TMEM232: variants seen among roughly 807,000 people sequenced by gnomAD.
TMEM232 encodes transmembrane protein 232.
TMEM232 carries 80 observed loss-of-function variants against 78.8 expected under a neutral mutation model. The ratio of observed to expected loss-of-function variants is 1.01; its 90% CI spans 0.85 to 1.22. The LOEUF is 1.22. Among genes scored for constraint, TMEM232 ranks in the 50% most tolerant of loss-of-function variants. The probability of loss-of-function intolerance (pLI) is 0.00; values close to 1 mark genes in which losing one functional copy is unlikely to be tolerated. For missense variants in TMEM232, 881 were observed against 742.2 expected (o/e 1.19, Z -2.17); for synonymous variants, 297 against 254.3 (o/e 1.17, Z -1.60).
intron 11 of TMEM232, among the ~76,000 whole-genome samples, chr5:110,536,490 T>C (rs1384319800): frequency 6.6e-6 from 1 of 152,188 alleles, no homozygotes; most frequent in African/African-American, 2.4e-5. Flanking sequence ...TTGGCAGTGG[T>C]ACAGGGTGAA....
At chr5:110,623,519 A>G (rs1050752554) in intron 7 of TMEM232, among the ~76,000 whole-genome samples, 1 of 152,168 alleles carries the variant, frequency 6.6e-6, no homozygotes, top group Non-Finnish European at 1.5e-5. Context: ...TTCCATTTCT[A>G]TCACTTTTAT....
chr5:110,635,398 C>T (rs1203723598), intron 5 of TMEM232, among the ~76,000 whole-genome samples: 1 of 151,934 alleles, frequency 6.6e-6, no homozygotes, highest in Admixed American at 6.6e-5. Flanking sequence ...AAACTACAGG[C>T]TAATATCCCT....
At chr5:110,654,773 C>T (rs1233574313) in intron 2 of TMEM232, among the ~76,000 whole-genome samples, 3 of 152,112 alleles carry the variant, frequency 2.0e-5, no homozygotes, top group Non-Finnish European at 4.4e-5. Context: ...ATTCTTCCTA[C>T]CCATGAGCAT....
chr5:110,696,233 G>A (rs1045806362), intron 1 of TMEM232, among the ~76,000 whole-genome samples: 1 of 152,088 alleles, frequency 6.6e-6, no homozygotes, highest in African/African-American at 2.4e-5. Flanking sequence ...TGCAGAAAAG[G>A]CCTTTGACAA....
intron 12 of TMEM232, among the ~76,000 whole-genome samples, chr5:110,517,246 T>C (rs1028652431): frequency 4.6e-5 from 7 of 152,286 alleles, no homozygotes; most frequent in African/African-American, 1.7e-4. Context: ...TTCACTCTAT[T>C]AATTCGATTT....
At chr5:110,423,033 A>G (rs1756840901) in intron 13 of TMEM232, among the ~76,000 whole-genome samples, 1 of 152,182 alleles carries the variant, frequency 6.6e-6, no homozygotes, top group Non-Finnish European at 1.5e-5. Context: ...CTCCTAAGCA[A>G]TGAGGTATAT....
chr5:110,639,859 CA>C (rs1786419169), intron 4 of TMEM232, among the ~76,000 whole-genome samples: 2 of 152,292 alleles, frequency 1.3e-5, no homozygotes, highest in South Asian at 4.1e-4. Context: ...TATGAGGACC[CA>C]ATGTCACTGC....
upstream of TMEM232, among the ~76,000 whole-genome samples, chr5:110,729,425 C>A (rs1798463854): frequency 6.6e-6 from 1 of 152,116 alleles, no homozygotes; most frequent in African/African-American, 2.4e-5. Context: ...GATCAAGACT[C>A]GGATGTTAGA....
intron 1 of TMEM232, among the ~76,000 whole-genome samples, chr5:110,715,902 G>A (rs921803963): frequency 2.0e-5 from 3 of 152,208 alleles, no homozygotes; most frequent in Non-Finnish European, 2.9e-5. Flanking sequence ...AACTTTGGTC[G>A]CTATAACCTC....
intron 2 of TMEM232, among the ~76,000 whole-genome samples, chr5:110,645,029 C>T (rs182464130): frequency 1.3e-5 from 2 of 151,070 alleles, no homozygotes; most frequent in African/African-American, 2.4e-5. Context: ...AAAACTGAAT[C>T]AAGATGAAAT....
At chr5:110,389,062 A>T (rs1346732590) in intron 4 of TMEM232, among the ~76,000 whole-genome samples, 1 of 152,050 alleles carries the variant, frequency 6.6e-6, no homozygotes, top group Non-Finnish European at 1.5e-5. Context: ...GGAGTTCAAG[A>T]CCGGCCTGGC....
chr5:110,450,370 C>G (rs1760135594), intron 12 of TMEM232, among the ~76,000 whole-genome samples: 1 of 151,668 alleles, frequency 6.6e-6, no homozygotes, highest in African/African-American at 2.4e-5. Flanking sequence ...TGTTTGTTTT[C>G]TTTTCTTTTC....
chr5:110,626,416 G>C (rs1338454561), intron 6 of TMEM232, among the ~76,000 whole-genome samples: 1 of 152,020 alleles, frequency 6.6e-6, no homozygotes, highest in African/African-American at 2.4e-5. Context: ...GGCCACATCT[G>C]ATTAGGACTT....
At position 110,420,540 on chromosome 5, in the gene TMEM232, T is replaced by C. The variant is rs187153537; in HGVS notation, c.*40A>G. On this transcript the variant is annotated 3_prime_UTR_variant, in exon 14 of 14. Transcript: ENST00000455884. ...TTTTTCATCCTATGTATTTCTGCCA[T>C]GTAGTCCTCAATTTTGGGAGGTGAC... 2.6e-5 allele frequency: 34 copies of C among 1,290,860 alleles called. No individual in the cohort carries two copies. Among genetic ancestry groups the C allele is most frequent in the Admixed American group, 3.6e-5 (1 of 27,954 alleles). 80.0% of individuals were successfully genotyped at this position (1,290,860 alleles called of 1,614,324 possible). A position where few individuals can be genotyped will look rare whatever the true frequency, so the allele number is the denominator to read the frequency against.
At chr5:110,694,083 C>A (rs113022874) in intron 1 of TMEM232, among the ~76,000 whole-genome samples, 5,944 of 151,848 alleles carry the variant, frequency 0.039, 376 homozygotes, top group African/African-American at 0.14. Flanking sequence ...AAAGGGAAGC[C>A]CATCAGACTA....
intron 1 of TMEM232, among the ~76,000 whole-genome samples, chr5:110,704,642 T>G (rs1345047925): frequency 1.3e-5 from 2 of 152,046 alleles, no homozygotes; most frequent in Non-Finnish European, 2.9e-5. Flanking sequence ...TTTTTCATTA[T>G]CAAGTGGACA....
At chr5:110,512,915 T>C (rs1345390968) in intron 12 of TMEM232, among the ~76,000 whole-genome samples, 3 of 152,224 alleles carry the variant, frequency 2.0e-5, no homozygotes, top group African/African-American at 7.2e-5. Context: ...GTGTTATTTT[T>C]AAGATTCTTT....
rs558122915 is a variant in TMEM232, at chr5:110,608,690, TTATC to T, written c.903-2407_903-2404del. On this transcript the variant is annotated intron_variant, in intron 8 of 13. Transcript: ENST00000455884. ...TCAATTAATGCTGCTGATCACAAAATTATCTGTGAATGAAAATGCTTTCGTCAAA... is the reference window on the plus strand; with the variant it reads ...TCAATTAATGCTGCTGATCACAAAATTGTGAATGAAAATGCTTTCGTCAAA... 3.1e-3 allele frequency among the ~76,000 whole-genome samples: 473 copies of T among 152,132 alleles called. 1 individual carries two copies. The highest frequency in any genetic ancestry group is 0.011 in the African/African-American group (458 of 41,558).
intron 2 of TMEM232, among the ~76,000 whole-genome samples, chr5:110,659,547 T>A (rs1220273067): frequency 1.3e-5 from 2 of 151,904 alleles, no homozygotes; most frequent in East Asian, 1.9e-4. Context: ...ATATTTTCCA[T>A]CCAAAGGAAA....
Sources: gnomAD v4.1 joint callset for allele counts (sites outside exome capture counted in the v4.1 genomes callset) on GRCh38, gnomAD v4.1.1 for gene constraint, MANE v1.5 for transcripts, NCBI Gene and HGNC (gene_info 2026-07-23, HGNC 2026-07-21) for gene names.